CCDC171: variants seen among roughly 807,000 people sequenced by gnomAD.
CCDC171 encodes the protein coiled-coil domain containing 171.
A neutral mutation model predicts 168.2 loss-of-function variants in CCDC171; 177 were observed. The observed-to-expected ratio is 1.05, with a 90% CI of 0.93 to 1.19. The LOEUF (loss-of-function observed/expected upper bound fraction) is 1.19. Ranked by LOEUF, CCDC171 falls within the 50% of genes most tolerant of loss-of-function variation. The pLI, the probability that CCDC171 is intolerant of heterozygous loss-of-function variation, is 0.00. For synonymous variants in CCDC171, 687 were observed against 540.8 expected, an observed-to-expected ratio of 1.27 and a Z score of -3.75; for missense variants, 1,991 against 1,539.0, an observed-to-expected ratio of 1.29 and a Z score of -4.91.
At chr9:15,788,592 T>G (rs1270697865) in intron 21 of CCDC171, among the ~76,000 whole-genome samples, 7 of 151,604 alleles carry the variant, frequency 4.6e-5, no homozygotes, top group Non-Finnish European at 7.4e-5. Context: ...GTTTTTGTTT[T>G]TTTTTTTTTA....
chr9:15,648,026 G>A (rs1462591234), intron 7 of CCDC171, among the ~76,000 whole-genome samples: 4 of 152,176 alleles, frequency 2.6e-5, no homozygotes, highest in South Asian at 4.1e-4. Context: ...GAATCCAGCA[G>A]CACATCGAAA....
chr9:15,583,243 C>T lies in CCDC171; in HGVS notation c.352+4220C>T, dbSNP rs532152186. 7.6e-4 allele frequency among the ~76,000 whole-genome samples: 116 copies of T among 151,974 alleles called. 2 individuals carry two copies. The South Asian group carries it at 0.018, about 24-fold the overall frequency. ...CATCCTGGCCAAGGTGGTGGAACCC[C>T]GTCTCTACTAAAAATACAAAAATTA... On this transcript the variant is annotated intron_variant, in intron 4 of 25. Coordinates refer to ENST00000380701, the MANE Select transcript of CCDC171 (RefSeq NM_173550.4).
chr9:15,810,999 A>G (rs934259138), intron 21 of CCDC171, among the ~76,000 whole-genome samples: 2 of 152,260 alleles, frequency 1.3e-5, no homozygotes, highest in Non-Finnish European at 2.9e-5. Context: ...TCATGTGGCT[A>G]GTAACTGTCA....
intron 5 of CCDC171, 144 bp from the exon 6 acceptor site, chr9:15,593,897 T>G: frequency 1.7e-6 from 1 of 597,286 alleles, no homozygotes; most frequent in Non-Finnish European, 3.0e-6. Flanking sequence ...GATCAAATTA[T>G]AGTTTTATTA....
chr9:15,829,205 A>G (rs1157426317), intron 21 of CCDC171, among the ~76,000 whole-genome samples: 4 of 152,232 alleles, frequency 2.6e-5, no homozygotes, highest in Non-Finnish European at 5.9e-5. Flanking sequence ...TAAATGTTAT[A>G]GCAGGAATCT....
chr9:15,700,072 G>A (rs1367838861), intron 11 of CCDC171, among the ~76,000 whole-genome samples: 2 of 152,220 alleles, frequency 1.3e-5, no homozygotes, highest in East Asian at 1.9e-4. Context: ...TGGTCGATGG[G>A]ACTGGGTGCC....
At chr9:15,640,671 A>G (rs866087489) in intron 7 of CCDC171, among the ~76,000 whole-genome samples, 5 of 152,170 alleles carry the variant, frequency 3.3e-5, no homozygotes, top group Middle Eastern at 3.2e-3. Context: ...ATTGAATAAT[A>G]TTATTGTTTC....
At chr9:15,939,438 C>G (rs1157352782) in intron 25 of CCDC171, among the ~76,000 whole-genome samples, 2 of 151,922 alleles carry the variant, frequency 1.3e-5, no homozygotes, top group South Asian at 4.1e-4. Context: ...TAGTTTGTTT[C>G]CTTAATGGCA....
At chr9:16,012,935 A>G (rs1212578558) in intron 3 of CCDC171, among the ~76,000 whole-genome samples, 1 of 152,138 alleles carries the variant, frequency 6.6e-6, no homozygotes, top group Non-Finnish European at 1.5e-5. Flanking sequence ...CAGCCCTGGG[A>G]TATCAACCAT....
At chr9:15,848,667 G>T (rs2061002391) in intron 22 of CCDC171, among the ~76,000 whole-genome samples, 2 of 151,320 alleles carry the variant, frequency 1.3e-5, no homozygotes, top group Admixed American at 6.6e-5. Context: ...TAAGATATTA[G>T]TTAAATGTGG....
At chr9:15,648,827 G>T (rs1330074990) in intron 7 of CCDC171, among the ~76,000 whole-genome samples, 1 of 152,100 alleles carries the variant, frequency 6.6e-6, no homozygotes, top group Non-Finnish European at 1.5e-5. Context: ...ACTGCCCAAG[G>T]TAATTTATTG....
At position 15,695,249 on chromosome 9, in the gene CCDC171, G is replaced by A. The variant is rs2133774712; in HGVS notation, c.1230G>A (p.Gln410=). The change falls in exon 11 of 26, where the codon CAG becomes CAA. Residue 410 remains glutamine (Q), a synonymous_variant. Transcript: ENST00000380701. ...TTAATTAAAAGGCTAAGAAGCACCAGGCCTTCCTAGTAGAGACATGTGAAA... is the reference window on the plus strand; with the variant it reads ...TTAATTAAAAGGCTAAGAAGCACCAAGCCTTCCTAGTAGAGACATGTGAAA... The part of the protein sequence containing the change: ...QEELVMAKKH[Q]AFLVETCENN... 1.9e-6 allele frequency: 3 copies of A among 1,613,770 alleles called. No individual in the cohort carries two copies. In the South Asian group the frequency reaches 3.3e-5, roughly 18 times the overall value.
intron 18 of CCDC171, among the ~76,000 whole-genome samples, chr9:15,771,139 G>A (rs943048398): frequency 1.7e-4 from 26 of 150,698 alleles, no homozygotes; most frequent in African/African-American, 5.4e-4. Context: ...TATTTTTTTC[G>A]CCATTTTAAG....
chr9:15,598,346 G>T (rs978317813), intron 6 of CCDC171, among the ~76,000 whole-genome samples: 1 of 151,906 alleles, frequency 6.6e-6, no homozygotes, highest in Non-Finnish European at 1.5e-5. Flanking sequence ...CTGGTATGTT[G>T]TGTCTTTGTT....
intron 25 of CCDC171, among the ~76,000 whole-genome samples, chr9:15,950,556 A>C (rs201462513): frequency 3.6e-4 from 55 of 152,202 alleles, no homozygotes; most frequent in African/African-American, 1.3e-3. Context: ...TAAAATCCTT[A>C]ACAGACAAGC....
chr9:15,905,613 C>T (rs1191823061), intron 24 of CCDC171, among the ~76,000 whole-genome samples: 2 of 152,048 alleles, frequency 1.3e-5, no homozygotes, highest in African/African-American at 2.4e-5. Context: ...ATTAAAAGAA[C>T]TAGAGAAGCA....
intron 3 of CCDC171, among the ~76,000 whole-genome samples, chr9:15,984,097 A>AAC (rs1463531961): frequency 0.14 from 19,058 of 137,222 alleles, 3,619 homozygotes; most frequent in African/African-American, 0.15. Flanking sequence ...ATTTCTTTGA[A>AAC]ATATAGAGCC....
intron 21 of CCDC171, among the ~76,000 whole-genome samples, chr9:15,839,168 T>A (rs1588777143): frequency 6.6e-6 from 1 of 152,190 alleles, no homozygotes; most frequent in East Asian, 1.9e-4. Context: ...ACACAAGGGA[T>A]CTTGAGTTGT....
At chr9:15,942,053 A>AT (rs1314019074) in intron 25 of CCDC171, among the ~76,000 whole-genome samples, 1 of 151,610 alleles carries the variant, frequency 6.6e-6, no homozygotes, top group Non-Finnish European at 1.5e-5. Context: ...CACCTACTTG[A>AT]TTTTTTCCCA....
Sources: allele counts gnomAD v4.1 joint callset (sites outside exome capture counted in the v4.1 genomes callset), GRCh38; gene constraint gnomAD v4.1.1; transcripts MANE v1.5; gene names NCBI Gene and HGNC (gene_info 2026-07-23, HGNC 2026-07-21).